Variants in GRM7 observed in about 807,000 individuals in gnomAD.
GRM7 encodes the protein metabotropic glutamate receptor 7.
GRM7 carries 35 observed loss-of-function variants against 84.5 expected under a neutral mutation model. The observed-to-expected ratio is 0.41, with a 90% confidence interval of 0.32 to 0.55. The LOEUF (loss-of-function observed/expected upper bound fraction) is 0.55, where lower values mean the gene tolerates loss of function less well. GRM7 is among the 20% of genes least tolerant of loss of function. The pLI is 0.19. For synonymous variants in GRM7, 487 were observed against 455.1 expected, an observed-to-expected ratio of 1.07 and a Z score of -0.89; for missense variants, 1,003 against 1,194.6, an observed-to-expected ratio of 0.84 and a Z score of 2.36.
intron 9 of GRM7, among the ~76,000 whole-genome samples, chr3:7,699,411 T>A (rs916571683): frequency 2.0e-5 from 3 of 152,210 alleles, no homozygotes; most frequent in African/African-American, 4.8e-5. Context: ...CCAGGGGATA[T>A]GTATTTAGAG....
At chr3:7,354,312 C>T (rs1366415681) in intron 4 of GRM7, among the ~76,000 whole-genome samples, 2 of 152,070 alleles carry the variant, frequency 1.3e-5, no homozygotes, top group African/African-American at 4.8e-5. Context: ...TAGTGTAGAG[C>T]TTATGGGGTT....
At chr3:7,088,558 G>A (rs1159607635) in intron 1 of GRM7, among the ~76,000 whole-genome samples, 2 of 149,892 alleles carry the variant, frequency 1.3e-5, no homozygotes, top group Non-Finnish European at 2.9e-5. Flanking sequence ...ATCTAAATGC[G>A]TGGCCTCAGG....
intron 2 of GRM7, among the ~76,000 whole-genome samples, chr3:7,272,511 T>A (rs1698903578): frequency 6.6e-6 from 1 of 152,134 alleles, no homozygotes; most frequent in African/African-American, 2.4e-5. Flanking sequence ...AGGCTATTAA[T>A]TATTGTTTCA....
At chr3:7,594,980 G>A (rs1695971191) in intron 8 of GRM7, among the ~76,000 whole-genome samples, 1 of 152,040 alleles carries the variant, frequency 6.6e-6, no homozygotes, top group South Asian at 2.1e-4. Flanking sequence ...GTGTATTTCT[G>A]AGGCAATCCT....
chr3:7,740,448 G>T lies in GRM7; in HGVS notation c.*42G>T, dbSNP rs1191064250. 8.4e-7 allele frequency: 1 copy of T among 1,188,054 alleles called. No individual in the cohort carries two copies. The highest frequency in any genetic ancestry group is 1.4e-5 in the South Asian group (1 of 72,304). 73.6% of individuals were successfully genotyped at this position (1,188,054 alleles called of 1,614,324 possible). A position where few individuals can be genotyped will look rare whatever the true frequency, so the allele number is the denominator to read the frequency against. On this transcript the variant is annotated 3_prime_UTR_variant, in exon 10 of 10. Transcript: ENST00000357716. Reference sequence around the variant, plus strand: ...GAACCATGGAGGAGGAAGACCCTCAGTTATTTTGTCACCCAACCTGGCATA... The same window carrying T: ...GAACCATGGAGGAGGAAGACCCTCATTTATTTTGTCACCCAACCTGGCATA...
intron 1 of GRM7, among the ~76,000 whole-genome samples, chr3:6,901,659 A>AGAAATCT (rs2125004460): frequency 6.9e-6 from 1 of 145,704 alleles, no homozygotes; most frequent in South Asian, 2.3e-4. Flanking sequence ...ATTTGAAGAG[A>AGAAATCT]GAAATCTTTT....
chr3:7,008,978 T>C (rs1022469382), intron 1 of GRM7, among the ~76,000 whole-genome samples: 2 of 152,168 alleles, frequency 1.3e-5, no homozygotes, highest in Non-Finnish European at 2.9e-5. Context: ...TCAGATGAAA[T>C]AATGAATATA....
intron 9 of GRM7, among the ~76,000 whole-genome samples, chr3:7,720,780 T>C (rs749128167): frequency 6.6e-6 from 1 of 152,260 alleles, no homozygotes; most frequent in East Asian, 1.9e-4. Flanking sequence ...GTCTGGCACA[T>C]AGTAGACAGC....
chr3:7,257,445 C>T (rs1311818474), intron 2 of GRM7, among the ~76,000 whole-genome samples: 1 of 152,118 alleles, frequency 6.6e-6, no homozygotes, highest in East Asian at 1.9e-4. Context: ...ATACTAAATA[C>T]CTTAAGAAGC....
chr3:7,721,697 G>A (rs1701955293), intron 9 of GRM7, among the ~76,000 whole-genome samples: 1 of 152,170 alleles, frequency 6.6e-6, no homozygotes, highest in Non-Finnish European at 1.5e-5. Context: ...TGCAAATGGT[G>A]TCACATCACT....
At position 7,096,466 on chromosome 3, in the gene GRM7, G is replaced by A. The variant is rs573687581; in HGVS notation, c.520-49986G>A. ...TTTTAGTATAAAGGATTTGCTTAGG[G>A]TGAAGTCTAAGAGGGATCACAGAGC... is the stretch of plus-strand genomic sequence containing the variant. On this transcript the variant is annotated intron_variant, in intron 1 of 9. Transcript: ENST00000357716. Among the ~76,000 whole-genome samples the A allele has an allele frequency of 3.3e-5, 5 of 152,094 alleles. No homozygotes were observed. In the East Asian group the frequency reaches 9.7e-4, roughly 29 times the overall value.
Position 7,134,918 on chromosome 3 carries a change from A to T in GRM7, c.520-11534A>T, listed in dbSNP as rs114258654. 3.0e-3 allele frequency among the ~76,000 whole-genome samples: 463 copies of T among 151,976 alleles called. 1 individual carries two copies. The highest frequency in any genetic ancestry group is 0.01 in the African/African-American group (429 of 41,458). On this transcript the variant is annotated intron_variant, in intron 1 of 9. Coordinates refer to ENST00000357716, the MANE Select transcript of GRM7 (RefSeq NM_000844.4). ...ATAAGCATTATTTTAAACATATGCT[A>T]TAACAAATATAACTTGCGATCCACA...
At chr3:7,078,106 C>G (rs1263725402) in intron 1 of GRM7, among the ~76,000 whole-genome samples, 1 of 152,088 alleles carries the variant, frequency 6.6e-6, no homozygotes, top group Non-Finnish European at 1.5e-5. Context: ...CTTGCTGAAC[C>G]CTGATGAAAA....
intron 4 of GRM7, among the ~76,000 whole-genome samples, chr3:7,323,810 TATA>T (rs1403874901): frequency 6.6e-6 from 1 of 152,208 alleles, no homozygotes; most frequent in Non-Finnish European, 1.5e-5. Flanking sequence ...AGTGGGCACT[TATA>T]ATATGCCAGG....
intron 9 of GRM7, among the ~76,000 whole-genome samples, chr3:7,700,487 C>T (rs1701188057): frequency 6.6e-6 from 1 of 152,172 alleles, no homozygotes; most frequent in Non-Finnish European, 1.5e-5. Context: ...GATTTGAAAT[C>T]TCAAACAGCT....
intron 7 of GRM7, among the ~76,000 whole-genome samples, chr3:7,533,535 A>C (rs1361592128): frequency 6.6e-6 from 1 of 152,194 alleles, no homozygotes; most frequent in Non-Finnish European, 1.5e-5. Flanking sequence ...GGCAGCTATG[A>C]TGGCTAATTC....
chr3:7,353,895 C>G (rs1017673873), intron 4 of GRM7, among the ~76,000 whole-genome samples: 1 of 151,740 alleles, frequency 6.6e-6, no homozygotes, highest in African/African-American at 2.4e-5. Flanking sequence ...CTTGTGTAGA[C>G]CTGTGGCATT....
intron 4 of GRM7, among the ~76,000 whole-genome samples, chr3:7,381,330 T>C (rs1227020349): frequency 6.6e-6 from 1 of 152,190 alleles, no homozygotes; most frequent in Non-Finnish European, 1.5e-5. Flanking sequence ...TCATTATTCA[T>C]TCATTCTTTT....
intron 4 of GRM7, among the ~76,000 whole-genome samples, chr3:7,352,642 G>T (rs1167230907): frequency 6.6e-6 from 1 of 152,068 alleles, no homozygotes; most frequent in Non-Finnish European, 1.5e-5. Flanking sequence ...GGAAAGAATG[G>T]ACTCTTGCAA....
Sources: allele counts gnomAD v4.1 joint callset (sites outside exome capture counted in the v4.1 genomes callset), GRCh38; gene constraint gnomAD v4.1.1; transcripts MANE v1.5; gene names NCBI Gene and HGNC (gene_info 2026-07-23, HGNC 2026-07-21).